Variants in SH3RF1 observed in about 807,000 individuals in gnomAD.
SH3RF1 encodes the protein SH3 domain containing ring finger 1.
SH3RF1 carries 32 observed loss-of-function variants against 74.0 expected under a neutral mutation model. That is an observed-to-expected ratio of 0.43 (90% CI 0.33 to 0.58). The LOEUF is 0.58. Among genes scored for constraint, SH3RF1 ranks in the 20% least tolerant of loss-of-function variants. The probability of loss-of-function intolerance (pLI) is 0.05; values close to 1 mark genes in which losing one functional copy is unlikely to be tolerated. For missense variants in SH3RF1, 954 were observed against 1,130.9 expected, an observed-to-expected ratio of 0.84 and a Z score of 2.24; for synonymous variants, 396 against 439.6, an observed-to-expected ratio of 0.90 and a Z score of 1.24.
intron 2 of SH3RF1, among the ~76,000 whole-genome samples, chr4:169,173,124 A>C (rs2126974303): frequency 6.6e-6 from 1 of 152,328 alleles, no homozygotes; most frequent in South Asian, 2.1e-4. Flanking sequence ...GACTTGAGAA[A>C]TAAAGCATTA....
intron 2 of SH3RF1, chr4:169,166,312 G>T: frequency 6.5e-6 from 1 of 153,486 alleles, no homozygotes; most frequent in South Asian, 1.8e-4. Context: ...CTAAAGAGAA[G>T]GAACCCGAAG....
intron 10 of SH3RF1, among the ~76,000 whole-genome samples, chr4:169,115,850 T>TA (rs1324658778): frequency 6.6e-6 from 1 of 152,136 alleles, no homozygotes; most frequent in Non-Finnish European, 1.5e-5. Flanking sequence ...CACATATATA[T>TA]TTTTAACAGA....
At chr4:169,249,804 G>A (rs2660396) in intron 2 of SH3RF1, among the ~76,000 whole-genome samples, 131,743 of 152,174 alleles carry the variant, frequency 0.87, 57,997 homozygotes, top group East Asian at 0.97. Context: ...TCATGTTTAT[G>A]AGTGACTTAT....
intron 2 of SH3RF1, among the ~76,000 whole-genome samples, chr4:169,206,056 G>A (rs1477735983): frequency 6.6e-6 from 1 of 152,174 alleles, no homozygotes; most frequent in East Asian, 1.9e-4. Flanking sequence ...GGGGAACACA[G>A]CAAATGCAAA....
At chr4:169,124,129 TG>T (rs1733486924) in intron 6 of SH3RF1, among the ~76,000 whole-genome samples, 1 of 152,124 alleles carries the variant, frequency 6.6e-6, no homozygotes, top group Admixed American at 6.5e-5. Flanking sequence ...GAGTAATATA[TG>T]GAGAAACTGT....
At chr4:169,135,091 T>C (rs994890174) in intron 5 of SH3RF1, among the ~76,000 whole-genome samples, 6 of 152,104 alleles carry the variant, frequency 3.9e-5, no homozygotes, top group African/African-American at 1.4e-4. Context: ...TCCCACCACT[T>C]TGGGAGGCCC....
At chr4:169,115,671 C>T (rs1047271739) in intron 10 of SH3RF1, among the ~76,000 whole-genome samples, 1 of 152,132 alleles carries the variant, frequency 6.6e-6, no homozygotes, top group African/African-American at 2.4e-5. Context: ...ATGTAATGAG[C>T]TTGAATCATT....
Position 169,103,086 on chromosome 4 carries a change from A to AT in SH3RF1, c.2498+3760dup, listed in dbSNP as rs60740517. Among the ~76,000 whole-genome samples, 123 of 87,056 alleles carry AT rather than the reference A, an allele frequency of 1.4e-3. 1 individual carries two copies. The highest frequency in any genetic ancestry group is 1.8e-3 in the African/African-American group (41 of 22,274). The allele number at this position is 87,056 out of a possible 152,430, so 57.1% of individuals were successfully genotyped here. ...CAGGTGCCCGCCACCGCGCCTGGCT[A>AT]TTTTTTTTTTTTTTTTTTTTTTTGT... On this transcript the variant is annotated intron_variant, in intron 11 of 11. Transcript: ENST00000284637.
intron 2 of SH3RF1, among the ~76,000 whole-genome samples, chr4:169,265,484 T>C (rs932707697): frequency 2.7e-5 from 4 of 150,150 alleles, no homozygotes; most frequent in Non-Finnish European, 4.5e-5. Context: ...TAAAAGAATT[T>C]TTTTTTGAGA....
chr4:169,104,118 A>C (rs908081258), intron 11 of SH3RF1, among the ~76,000 whole-genome samples: 1 of 152,192 alleles, frequency 6.6e-6, no homozygotes, highest in Non-Finnish European at 1.5e-5. Flanking sequence ...GAGACTGAGG[A>C]CATCTGGCAA....
intron 4 of SH3RF1, among the ~76,000 whole-genome samples, chr4:169,147,431 T>C (rs377374133): frequency 3.3e-5 from 5 of 152,184 alleles, no homozygotes; most frequent in African/African-American, 1.2e-4. Context: ...TGAACAAGTA[T>C]TTCCCCTACC....
At chr4:169,220,940 C>T (rs982413802) in intron 2 of SH3RF1, among the ~76,000 whole-genome samples, 1 of 152,150 alleles carries the variant, frequency 6.6e-6, no homozygotes, top group African/African-American at 2.4e-5. Flanking sequence ...GTTAAATTTG[C>T]CTTCAAGGCA....
intron 4 of SH3RF1, among the ~76,000 whole-genome samples, chr4:169,139,360 C>T (rs1733748652): frequency 6.6e-6 from 1 of 152,170 alleles, no homozygotes; most frequent in African/African-American, 2.4e-5. Context: ...CAGTGCTTTC[C>T]ATAATTTCTT....
At chr4:169,115,833 C>T (rs928462239) in intron 10 of SH3RF1, among the ~76,000 whole-genome samples, 1 of 152,018 alleles carries the variant, frequency 6.6e-6, no homozygotes, top group South Asian at 2.1e-4. Context: ...CAGTTTCATC[C>T]CCCTCACACA....
At position 169,116,498 on chromosome 4, in the gene SH3RF1, A is replaced by G; in HGVS notation, c.1910T>C (p.Met637Thr). The G allele has an allele frequency of 1.2e-6, 2 of 1,613,636 alleles. No individual in the cohort carries two copies. Among genetic ancestry groups the G allele is most frequent in the Non-Finnish European group, 1.7e-6 (2 of 1,179,818 alleles). ...AGCAGTGTGCGTGGCTGAGCCTGGC[A>G]TCAGAGGCGCAGGTTGTGGGGAGGC... ...SLASPQPAPL[M>T]PGSATHTAAI... Residue 637 changes from methionine (M) to threonine (T), a missense_variant, in exon 10 of 12, where the codon ATG becomes ACG. Coordinates refer to ENST00000284637, the MANE Select transcript of SH3RF1 (RefSeq NM_020870.4).
chr4:169,227,043 C>T (rs1730662213), intron 2 of SH3RF1, among the ~76,000 whole-genome samples: 1 of 151,856 alleles, frequency 6.6e-6, no homozygotes, highest in Non-Finnish European at 1.5e-5. Context: ...GCACAAATCT[C>T]TAGTCCTAAA....
chr4:169,217,889 T>C (rs1730492837), intron 2 of SH3RF1, among the ~76,000 whole-genome samples: 1 of 152,096 alleles, frequency 6.6e-6, no homozygotes, highest in Non-Finnish European at 1.5e-5. Context: ...AGGGAAAAAA[T>C]GTTTTCCAGC....
chr4:169,238,320 G>A (rs1237774949), intron 2 of SH3RF1, among the ~76,000 whole-genome samples: 1 of 152,166 alleles, frequency 6.6e-6, no homozygotes, highest in Non-Finnish European at 1.5e-5. Context: ...CATGGGCATG[G>A]AAGGATGTGA....
intron 2 of SH3RF1, among the ~76,000 whole-genome samples, chr4:169,259,908 T>C (rs1368210915): frequency 1.3e-5 from 2 of 152,236 alleles, no homozygotes; most frequent in Non-Finnish European, 2.9e-5. Context: ...TTAGGAAGAA[T>C]CCTGCCACAG....
Sources: gnomAD v4.1 joint callset for allele counts (sites outside exome capture counted in the v4.1 genomes callset) on GRCh38, gnomAD v4.1.1 for gene constraint, MANE v1.5 for transcripts, NCBI Gene and HGNC (gene_info 2026-07-23, HGNC 2026-07-21) for gene names.